The following PDLIM5 variants were observed in gnomAD, a reference collection of about 807,000 sequenced individuals.
PDLIM5 encodes the protein PDZ and LIM domain protein 5.
Under a neutral mutation model 64.2 loss-of-function variants are expected in PDLIM5, and 34 were observed. The observed-to-expected ratio is 0.53, with a 90% CI of 0.40 to 0.71. PDLIM5 has a LOEUF of 0.71. Ranked by LOEUF, PDLIM5 falls within the 30% of genes least tolerant of loss-of-function variation. PDLIM5 has a pLI of 0.00. For missense variants in PDLIM5, 683 were observed against 733.6 expected (o/e 0.93, Z 0.80); for synonymous variants, 253 against 269.1 (o/e 0.94, Z 0.59).
chr4:94,484,736 G>T (rs1180635109), intron 2 of PDLIM5, among the ~76,000 whole-genome samples: 1 of 152,128 alleles, frequency 6.6e-6, no homozygotes, highest in South Asian at 2.1e-4. Flanking sequence ...GGATGTTCTG[G>T]ACCTAGTGCT....
At chr4:94,648,984 G>GT (rs201143935) in intron 9 of PDLIM5, among the ~76,000 whole-genome samples, 70 of 150,230 alleles carry the variant, frequency 4.7e-4, no homozygotes, top group East Asian at 3.5e-3. Flanking sequence ...TTTGGTTTTG[G>GT]TTTTTTTTTG....
chr4:94,458,527 GA>G (rs903311267), intron 2 of PDLIM5, among the ~76,000 whole-genome samples: 5 of 151,636 alleles, frequency 3.3e-5, no homozygotes, highest in Non-Finnish European at 7.4e-5. Flanking sequence ...ATTAAGAAAG[GA>G]AAAAAAATCA....
intron 2 of PDLIM5, among the ~76,000 whole-genome samples, chr4:94,464,683 C>T (rs892428181): frequency 2.6e-5 from 4 of 152,080 alleles, no homozygotes; most frequent in Non-Finnish European, 5.9e-5. Flanking sequence ...TTGGTCATTC[C>T]TTTGAAGTAT....
intron 8 of PDLIM5, among the ~76,000 whole-genome samples, chr4:94,635,218 A>G (rs1256495045): frequency 3.3e-5 from 5 of 152,170 alleles, no homozygotes; most frequent in African/African-American, 1.2e-4. Flanking sequence ...CAAAAGAAAA[A>G]AAAAGTAATT....
At position 94,577,520 on chromosome 4, in the gene PDLIM5, T is replaced by C. The variant is rs114559414; in HGVS notation, c.710+1486T>C. On this transcript the variant is annotated intron_variant, in intron 5 of 12. Coordinates refer to ENST00000317968, the MANE Select transcript of PDLIM5 (RefSeq NM_006457.5). ...TAGTATCCTTCAAAAAAGAATGTTA[T>C]TGTTTCTTTCATGTGAGGAAGAGAA... The C allele has an allele frequency of 6.5e-3, 2,145 of 331,452 alleles. 35 individuals carry two copies. Among genetic ancestry groups the C allele is most frequent in the African/African-American group, 0.034 (1,579 of 46,032 alleles). 20.5% of individuals were successfully genotyped at this position (331,452 alleles called of 1,614,324 possible). A position where few individuals can be genotyped will look rare whatever the true frequency, so the allele number is the denominator to read the frequency against.
chr4:94,626,093 G>A (rs1437620124), intron 8 of PDLIM5, among the ~76,000 whole-genome samples: 3 of 152,178 alleles, frequency 2.0e-5, no homozygotes, highest in Admixed American at 2.0e-4. Context: ...AACGAAACGG[G>A]AAAAAACACA....
At chr4:94,546,009 G>A (rs950834052) in intron 3 of PDLIM5, among the ~76,000 whole-genome samples, 2 of 152,082 alleles carry the variant, frequency 1.3e-5, no homozygotes, top group African/African-American at 4.8e-5. Flanking sequence ...GTCTTAAGTG[G>A]AGCTATTGAT....
intron 7 of PDLIM5, among the ~76,000 whole-genome samples, chr4:94,606,360 A>T (rs796079620): frequency 3.3e-5 from 5 of 152,174 alleles, no homozygotes; most frequent in Admixed American, 3.3e-4. Flanking sequence ...TTGGGGAATC[A>T]GGGAGGCTTC....
intron 12 of PDLIM5, among the ~76,000 whole-genome samples, chr4:94,663,085 G>A (rs549205348): frequency 2.4e-4 from 37 of 152,174 alleles, no homozygotes; most frequent in African/African-American, 8.9e-4. Context: ...TAATGATTAG[G>A]ATGGATTCAA....
intron 8 of PDLIM5, among the ~76,000 whole-genome samples, chr4:94,634,951 A>G (rs1446532728): frequency 6.6e-6 from 1 of 152,154 alleles, no homozygotes; most frequent in African/African-American, 2.4e-5. Context: ...ATGCTGAGAA[A>G]GTTTTCTGGT....
chr4:94,504,733 G>A (rs1728241405), intron 2 of PDLIM5, among the ~76,000 whole-genome samples: 1 of 152,144 alleles, frequency 6.6e-6, no homozygotes, highest in Admixed American at 6.5e-5. Flanking sequence ...TCAGTACTCA[G>A]GGCTTGTGGT....
chr4:94,585,784 C>A (rs748724123), intron 6 of PDLIM5, 47 bp downstream of exon 6: 3 of 1,478,242 alleles, frequency 2.0e-6, no homozygotes, highest in Non-Finnish European at 9.4e-7. Flanking sequence ...TTTTTTGCCC[C>A]AGAGAGTGGC....
chr4:94,588,203 TA>T, intron 7 of PDLIM5: 1 of 964,714 alleles, frequency 1.0e-6, no homozygotes, highest in Non-Finnish European at 1.2e-6. Context: ...CTGGGTAAAA[TA>T]AACAATTCTC....
At chr4:94,531,010 C>A (rs992999574) in intron 3 of PDLIM5, among the ~76,000 whole-genome samples, 3 of 152,224 alleles carry the variant, frequency 2.0e-5, no homozygotes, top group African/African-American at 7.2e-5. Flanking sequence ...GTTTTCAGTT[C>A]TCTATCTGGG....
At chr4:94,452,133 C>G (rs1288066773) in intron 1 of PDLIM5, 138 bp downstream of exon 1, 1 of 152,744 alleles carries the variant, frequency 6.5e-6, no homozygotes, top group African/African-American at 2.4e-5. Context: ...AGGGATGGCT[C>G]CTCAGGTGCT....
Position 94,665,848 on chromosome 4 carries a change from G to A in PDLIM5, c.*1781G>A. 2 of 1,381,262 alleles carry A rather than the reference G, an allele frequency of 1.4e-6. No homozygotes were observed. The highest frequency in any genetic ancestry group is 1.9e-6 in the Non-Finnish European group (2 of 1,073,772). The allele number at this position is 1,381,262 out of a possible 1,614,324, so 85.6% of individuals were successfully genotyped here. A position where few individuals can be genotyped will look rare whatever the true frequency, so the allele number is the denominator to read the frequency against. ...TCACAGAGGTTGGGTAGTGTTGGGA[G>A]GGGAGTTTAATTACTCAGATTGGCC... On this transcript the variant is annotated 3_prime_UTR_variant, in exon 13 of 13. Transcript: ENST00000317968.
At chr4:94,455,489 C>T in intron 2 of PDLIM5, 105 bp downstream of exon 2, 1 of 796,486 alleles carries the variant, frequency 1.3e-6, no homozygotes, top group Non-Finnish European at 2.2e-6. Context: ...ATTATCATTG[C>T]TCCTGGGATT....
chr4:94,466,559 C>T (rs771140059), intron 2 of PDLIM5, among the ~76,000 whole-genome samples: 5 of 151,946 alleles, frequency 3.3e-5, no homozygotes, highest in Non-Finnish European at 5.9e-5. Context: ...TGTAGCTTTG[C>T]TTTTGTAAAA....
chr4:94,596,175 T>G (rs2110339845), intron 7 of PDLIM5, among the ~76,000 whole-genome samples: 1 of 152,338 alleles, frequency 6.6e-6, no homozygotes, highest in South Asian at 2.1e-4. Context: ...ATAGTTCCTA[T>G]GTATTTTCAC....
Sources: gnomAD v4.1 joint callset for allele counts (sites outside exome capture counted in the v4.1 genomes callset) on GRCh38, gnomAD v4.1.1 for gene constraint, MANE v1.5 for transcripts, NCBI Gene and HGNC (gene_info 2026-07-23, HGNC 2026-07-21) for gene names.